Variants in ATL2 observed in about 807,000 individuals in gnomAD.
ATL2 encodes atlastin GTPase 2, also known as atlastin-2.
In ATL2, 31 loss-of-function variants were observed where a neutral mutation model predicts 73.9. The ratio of observed to expected loss-of-function variants is 0.42; its 90% confidence interval spans 0.32 to 0.57. The LOEUF is 0.57. Among genes scored for constraint, ATL2 ranks in the 20% least tolerant of loss-of-function variants. The pLI, the probability that ATL2 is intolerant of heterozygous loss-of-function variation, is 0.14. For missense variants in ATL2, 738 were observed against 702.6 expected (o/e 1.05, Z -0.57); for synonymous variants, 291 against 237.5 (o/e 1.23, Z -2.07).
intron 12 of ATL2, 176 bp from the exon 13 acceptor site, chr2:38,296,289 A>C (rs1179489203): frequency 1.4e-6 from 2 of 1,438,670 alleles, no homozygotes; most frequent in East Asian, 5.0e-5. Flanking sequence ...TTTATAATGC[A>C]ACAAAAATTA....
intron 1 of ATL2, among the ~76,000 whole-genome samples, chr2:38,375,713 A>G (rs1470452380): frequency 6.6e-6 from 1 of 152,234 alleles, no homozygotes; most frequent in Non-Finnish European, 1.5e-5. Context: ...AAATTAATCC[A>G]TCCGCATTCC....
chr2:38,361,337 G>C (rs1346630774), intron 1 of ATL2, among the ~76,000 whole-genome samples: 1 of 125,806 alleles, frequency 7.9e-6, no homozygotes, highest in East Asian at 2.3e-4. Flanking sequence ...CTGGGTGACA[G>C]AGCAAGACTC....
chr2:38,299,233 A>C, intron 11 of ATL2, 23 bp downstream of exon 11: 1 of 1,494,458 alleles, frequency 6.7e-7, no homozygotes, highest in Non-Finnish European at 8.8e-7. Context: ...CTCCAGCATC[A>C]AATTTAAATT....
intron 1 of ATL2, among the ~76,000 whole-genome samples, chr2:38,346,326 T>C (rs969457082): frequency 6.6e-6 from 1 of 152,096 alleles, no homozygotes; most frequent in East Asian, 1.9e-4. Flanking sequence ...CTCCACAGAG[T>C]AGCAACTAAA....
At chr2:38,323,482 G>C (rs1257618042) in intron 2 of ATL2, among the ~76,000 whole-genome samples, 1 of 146,892 alleles carries the variant, frequency 6.8e-6, no homozygotes, top group Non-Finnish European at 1.5e-5. Context: ...GGGATTACAA[G>C]CATGAGCCAC....
chr2:38,330,216 TAAAA>T (rs57775676), intron 2 of ATL2, among the ~76,000 whole-genome samples: 2 of 122,590 alleles, frequency 1.6e-5, no homozygotes, highest in African/African-American at 3.0e-5. Flanking sequence ...ATTCAGGATT[TAAAA>T]AAAAAAAAAA....
At chr2:38,312,487 G>A (rs951920700) in intron 7 of ATL2, among the ~76,000 whole-genome samples, 10 of 152,094 alleles carry the variant, frequency 6.6e-5, no homozygotes, top group Admixed American at 3.3e-4. Context: ...GAGGTAGGCC[G>A]ATCACAAGGT....
At chr2:38,313,768 G>A (rs1449192497) in intron 6 of ATL2, among the ~76,000 whole-genome samples, 4 of 152,118 alleles carry the variant, frequency 2.6e-5, no homozygotes, top group Non-Finnish European at 4.4e-5. Context: ...ATTGTAGAAC[G>A]TTGAACCATA....
chr2:38,315,228 G>T, intron 5 of ATL2, 56 bp downstream of exon 5: 1 of 1,390,186 alleles, frequency 7.2e-7, no homozygotes, highest in East Asian at 3.0e-5. Context: ...TCTAGTCTGG[G>T]GAACAAGAGC....
chr2:38,317,837 A>G (rs1278032219), intron 4 of ATL2, among the ~76,000 whole-genome samples: 2 of 152,206 alleles, frequency 1.3e-5, no homozygotes, highest in Non-Finnish European at 2.9e-5. Context: ...ATGAAAAACT[A>G]AAGAGACTGG....
intron 7 of ATL2, among the ~76,000 whole-genome samples, chr2:38,312,653 G>A (rs1421915937): frequency 2.0e-5 from 3 of 149,372 alleles, no homozygotes; most frequent in African/African-American, 5.0e-5. Context: ...AGGTTGCAGT[G>A]AGCCAAGATC....
chr2:38,318,830 C>A (rs1668168835), intron 3 of ATL2, 55 bp downstream of exon 3: 1 of 1,564,818 alleles, frequency 6.4e-7, no homozygotes, highest in Non-Finnish European at 8.7e-7. Context: ...ATTTTTAATA[C>A]TGGAAAATAG....
At chr2:38,358,289 C>T (rs1446579354) in intron 1 of ATL2, among the ~76,000 whole-genome samples, 1 of 152,108 alleles carries the variant, frequency 6.6e-6, no homozygotes, top group East Asian at 1.9e-4. Flanking sequence ...TGGGAGACTG[C>T]TAATACTGTG....
chr2:38,296,407 C>T, intron 12 of ATL2: 1 of 1,540,156 alleles, frequency 6.5e-7, no homozygotes, highest in Non-Finnish European at 8.8e-7. Context: ...TGCAGACCGG[C>T]CCAGACGGTC....
At chr2:38,299,530 T>C (rs1327364308) in intron 10 of ATL2, among the ~76,000 whole-genome samples, 1 of 152,188 alleles carries the variant, frequency 6.6e-6, no homozygotes, top group East Asian at 1.9e-4. Context: ...TGCCTGATTT[T>C]GTTTTGCTTA....
intron 1 of ATL2, among the ~76,000 whole-genome samples, chr2:38,353,231 T>G (rs956519558): frequency 6.6e-6 from 1 of 152,080 alleles, no homozygotes; most frequent in South Asian, 2.1e-4. Context: ...AATAAATAGA[T>G]GAGGAGTCTC....
At chr2:38,309,652 A>T in intron 8 of ATL2, 146 bp from the exon 9 acceptor site, 1 of 826,826 alleles carries the variant, frequency 1.2e-6, no homozygotes, top group Non-Finnish European at 1.8e-6. Flanking sequence ...AAGCTCATCC[A>T]ACATGCCATA....
chr2:38,355,221 G>T lies in ATL2; in HGVS notation c.119-11709C>A, dbSNP rs369188520. ...AGCTCACTACAACCTCCGCCTCCTG[G>T]GTTCAAGCAATTCTCCTGTCTCAGC... On this transcript the variant is annotated intron_variant, in intron 1 of 12. Transcript: ENST00000378954. Among the ~76,000 whole-genome samples the T allele has an allele frequency of 3.3e-4, 50 of 152,180 alleles. 1 individual carries two copies. The highest frequency in any genetic ancestry group is 1.1e-3 in the African/African-American group (47 of 41,528).
intron 2 of ATL2, among the ~76,000 whole-genome samples, chr2:38,326,870 C>G (rs1347011002): frequency 2.0e-5 from 3 of 152,106 alleles, no homozygotes; most frequent in Non-Finnish European, 4.4e-5. Context: ...CACCTGTAGT[C>G]CCAGGTACTT....
Sources: allele counts gnomAD v4.1 joint callset (sites outside exome capture counted in the v4.1 genomes callset), GRCh38; gene constraint gnomAD v4.1.1; transcripts MANE v1.5; gene names NCBI Gene and HGNC (gene_info 2026-07-23, HGNC 2026-07-21).